Variants in FBXL17 observed in about 807,000 individuals in gnomAD.
FBXL17 encodes F-box/LRR-repeat protein 17.
A neutral mutation model predicts 66.2 loss-of-function variants in FBXL17; 22 were observed. That is an observed-to-expected ratio of 0.33 (90% confidence interval 0.24 to 0.47). The LOEUF is 0.47. Among genes scored for constraint, FBXL17 ranks in the 20% least tolerant of loss-of-function variants. The pLI, the probability that FBXL17 is intolerant of heterozygous loss-of-function variation, is 1.00. For synonymous variants in FBXL17, 474 were observed against 400.5 expected (o/e 1.18, Z -2.19); for missense variants, 878 against 948.2 (o/e 0.93, Z 0.97).
intron 6 of FBXL17, among the ~76,000 whole-genome samples, chr5:108,076,657 T>C (rs915545395): frequency 5.3e-5 from 8 of 152,168 alleles, no homozygotes; most frequent in African/African-American, 1.9e-4. Flanking sequence ...CAAAGCTACC[T>C]TAAGTAGGAA....
At chr5:107,985,216 C>A (rs1301875307) in intron 7 of FBXL17, among the ~76,000 whole-genome samples, 1 of 152,192 alleles carries the variant, frequency 6.6e-6, no homozygotes, top group Non-Finnish European at 1.5e-5. Flanking sequence ...ACAAAGATGA[C>A]AGATAAACTC....
intron 7 of FBXL17, among the ~76,000 whole-genome samples, chr5:108,011,428 G>A (rs560270147): frequency 1.3e-5 from 2 of 152,264 alleles, no homozygotes; most frequent in East Asian, 3.9e-4. Context: ...GAACAAAGTA[G>A]GTAGAACACA....
intron 4 of FBXL17, among the ~76,000 whole-genome samples, chr5:108,307,764 T>C (rs1466415107): frequency 1.3e-5 from 2 of 152,098 alleles, no homozygotes; most frequent in Non-Finnish European, 2.9e-5. Flanking sequence ...TTACCCTTCA[T>C]CTTGACCCAT....
chr5:108,358,800 G>T (rs1188310739), intron 3 of FBXL17, among the ~76,000 whole-genome samples: 1 of 152,062 alleles, frequency 6.6e-6, no homozygotes, highest in Non-Finnish European at 1.5e-5. Context: ...CACCATCAAA[G>T]CTATGGTCCT....
intron 6 of FBXL17, among the ~76,000 whole-genome samples, chr5:108,121,029 C>A (rs1750471829): frequency 6.6e-6 from 1 of 152,124 alleles, no homozygotes; most frequent in South Asian, 2.1e-4. Context: ...ACAGGCTATA[C>A]CGTTAAGAAA....
intron 6 of FBXL17, among the ~76,000 whole-genome samples, chr5:108,184,228 C>T (rs765933158): frequency 6.6e-6 from 1 of 152,152 alleles, no homozygotes; most frequent in Admixed American, 6.5e-5. Flanking sequence ...AGTAGTTTGA[C>T]ACCAGCCTGG....
chr5:108,211,880 C>T (rs997281787), intron 5 of FBXL17, among the ~76,000 whole-genome samples: 1 of 152,158 alleles, frequency 6.6e-6, no homozygotes, highest in African/African-American at 2.4e-5. Context: ...GTCTGTCTTG[C>T]TAGGTTGGGG....
chr5:108,375,031 G>C (rs1749324065), intron 1 of FBXL17, among the ~76,000 whole-genome samples: 1 of 151,904 alleles, frequency 6.6e-6, no homozygotes, highest in Non-Finnish European at 1.5e-5. Flanking sequence ...AAAAATAATA[G>C]ATGATCAACA....
At chr5:107,946,749 T>A (rs538327267) in intron 7 of FBXL17, among the ~76,000 whole-genome samples, 1 of 152,050 alleles carries the variant, frequency 6.6e-6, no homozygotes, top group Non-Finnish European at 1.5e-5. Context: ...ATATGCAGAA[T>A]AGTGTATATA....
Position 108,009,945 on chromosome 5 carries a change from TG to T in FBXL17, c.1822+10979del, listed in dbSNP as rs374595028. 2.8e-4 allele frequency among the ~76,000 whole-genome samples: 42 copies of T among 152,252 alleles called. No individual in the cohort carries two copies. The East Asian group carries it at 7.5e-3, about 27-fold the overall frequency. On this transcript the variant is annotated intron_variant, in intron 7 of 8. Transcript: ENST00000542267. ...CTGGCACCTTCTACCTCGAGAATAG[TG>T]TCCATTTTGTACCGAGGAAATCTAC... is the stretch of plus-strand genomic sequence containing the variant.
chr5:108,020,693 C>A, intron 7 of FBXL17: 1 of 336,894 alleles, frequency 3.0e-6, no homozygotes, highest in South Asian at 7.0e-5. Context: ...TGCAAACATA[C>A]ATGTGTGCAT....
Position 108,110,198 on chromosome 5 carries a change from T to C in FBXL17, c.1745+75919A>G, listed in dbSNP as rs183835756. 3.7e-4 allele frequency among the ~76,000 whole-genome samples: 56 copies of C among 152,246 alleles called. 1 individual carries two copies. In the South Asian group the frequency reaches 0.011, roughly 30 times the overall value. On this transcript the variant is annotated intron_variant, in intron 6 of 8. Transcript: ENST00000542267. Reference sequence around the variant, plus strand: ...CTTGTTTTAAAATCCAGTGGTTTACTGGGTTCAAGAACACCCAAGCAGAAC... The same window carrying C: ...CTTGTTTTAAAATCCAGTGGTTTACCGGGTTCAAGAACACCCAAGCAGAAC...
chr5:108,112,573 G>A (rs989109066), intron 6 of FBXL17, among the ~76,000 whole-genome samples: 3 of 152,050 alleles, frequency 2.0e-5, no homozygotes, highest in African/African-American at 7.2e-5. Flanking sequence ...AAATTACTAG[G>A]CATGAAAAGA....
chr5:108,258,021 C>T (rs73781306), intron 4 of FBXL17, among the ~76,000 whole-genome samples: 7,536 of 152,170 alleles, frequency 0.05, 624 homozygotes, highest in African/African-American at 0.17. Flanking sequence ...ATGCAAATTA[C>T]ATCACAAGGT....
chr5:108,293,268 A>T (rs975488647), intron 4 of FBXL17, among the ~76,000 whole-genome samples: 3 of 152,286 alleles, frequency 2.0e-5, no homozygotes, highest in Non-Finnish European at 2.9e-5. Flanking sequence ...TGTAATACTA[A>T]TAAGTTATTT....
At chr5:107,871,868 G>T (rs184871320) in intron 8 of FBXL17, among the ~76,000 whole-genome samples, 196 of 152,242 alleles carry the variant, frequency 1.3e-3, no homozygotes, top group Non-Finnish European at 2.3e-3. Context: ...TTAAACTCAT[G>T]AAGTTAAGCT....
At chr5:108,037,966 A>AT (rs1746908194) in intron 6 of FBXL17, among the ~76,000 whole-genome samples, 2 of 152,190 alleles carry the variant, frequency 1.3e-5, no homozygotes, top group African/African-American at 2.4e-5. Context: ...TTTACAAGAA[A>AT]TGTAACGGAA....
chr5:107,872,010 T>C (rs546241197), intron 8 of FBXL17, among the ~76,000 whole-genome samples: 12 of 152,320 alleles, frequency 7.9e-5, no homozygotes, highest in Admixed American at 2.0e-4. Context: ...AAGTGCACAC[T>C]TGATGAAAAA....
chr5:107,929,772 A>G (rs1210498472), intron 7 of FBXL17, among the ~76,000 whole-genome samples: 1 of 152,092 alleles, frequency 6.6e-6, no homozygotes, highest in Non-Finnish European at 1.5e-5. Context: ...CTCTTCCCCC[A>G]TCTGTATATA....
Sources: allele counts gnomAD v4.1 joint callset (sites outside exome capture counted in the v4.1 genomes callset), GRCh38; gene constraint gnomAD v4.1.1; transcripts MANE v1.5; gene names NCBI Gene and HGNC (gene_info 2026-07-23, HGNC 2026-07-21).